ZNF107: variants seen among roughly 807,000 people sequenced by gnomAD.
ZNF107 encodes zinc finger protein 107.
A neutral mutation model predicts 12.3 loss-of-function variants in ZNF107; 19 were observed. That is an observed-to-expected ratio of 1.55 (90% CI 1.08 to 2.27). The LOEUF (loss-of-function observed/expected upper bound fraction) is 2.27, where lower values mean the gene tolerates loss of function less well. Among genes scored for constraint, ZNF107 ranks in the 30% most tolerant of loss-of-function variants. The pLI is 0.00. For missense variants in ZNF107, 958 were observed against 979.9 expected (o/e 0.98, Z 0.30); for synonymous variants, 317 against 330.5 (o/e 0.96, Z 0.44).
intron 1 of ZNF107, chr7:64,686,400 C>T: frequency 4.2e-6 from 2 of 477,528 alleles, no homozygotes; most frequent in Non-Finnish European, 5.5e-6. Context: ...ACCAATCAAT[C>T]TATGCGACAA....
rs147683451 is a variant in ZNF107, at chr7:64,710,191, T to G, written c.*1535T>G. 42 of 154,978 alleles carry G rather than the reference T, an allele frequency of 2.7e-4. No individual in the cohort carries two copies. Among genetic ancestry groups the G allele is most frequent in the African/African-American group, 9.1e-4 (38 of 41,568 alleles). The allele number at this position is 154,978 out of a possible 1,614,324, so 9.6% of individuals were successfully genotyped here. A position where few individuals can be genotyped will look rare whatever the true frequency, so the allele number is the denominator to read the frequency against. Reference sequence around the variant, plus strand: ...CAAACAATACAAATACGAAGAGGGTTGTAGTACCTTTACTTGTATCACAGA... The same window carrying G: ...CAAACAATACAAATACGAAGAGGGTGGTAGTACCTTTACTTGTATCACAGA... On this transcript the variant is annotated 3_prime_UTR_variant, in exon 4 of 4. Coordinates refer to ENST00000620827, the MANE Select transcript of ZNF107 (RefSeq NM_001282359.2).
At chr7:64,684,773 C>A in intron 1 of ZNF107, 1 of 966,374 alleles carries the variant, frequency 1.0e-6, no homozygotes, top group Non-Finnish European at 1.2e-6. Flanking sequence ...CCAGATGAGA[C>A]GCCTCTGTTT....
intron 3 of ZNF107, among the ~76,000 whole-genome samples, chr7:64,694,941 G>A (rs182303389): frequency 7.2e-5 from 11 of 151,980 alleles, no homozygotes; most frequent in Admixed American, 7.2e-4. Context: ...TGAGCTAGCT[G>A]TCGTTATAAA....
chr7:64,680,199 G>A (rs1219900729), intron 1 of ZNF107, among the ~76,000 whole-genome samples: 3 of 152,036 alleles, frequency 2.0e-5, no homozygotes, highest in African/African-American at 7.2e-5. Flanking sequence ...GGAGCTGAAG[G>A]GATAGTCCGA....
At chr7:64,703,611 A>G (rs903171492) in intron 3 of ZNF107, among the ~76,000 whole-genome samples, 5 of 151,862 alleles carry the variant, frequency 3.3e-5, no homozygotes, top group Admixed American at 6.6e-5. Context: ...TGTATTTTCA[A>G]TTGAATGGGG....
intron 1 of ZNF107, chr7:64,687,329 CTG>C: frequency 1.0e-6 from 1 of 985,490 alleles, no homozygotes; most frequent in Non-Finnish European, 1.2e-6. Flanking sequence ...GGCTTAAACA[CTG>C]CACCCATTCC....
intron 1 of ZNF107, among the ~76,000 whole-genome samples, chr7:64,682,563 G>A (rs1483072266): frequency 6.6e-6 from 1 of 152,114 alleles, no homozygotes; most frequent in African/African-American, 2.4e-5. Context: ...AGAGGTAAAG[G>A]GATGTGCAGT....
At chr7:64,693,165 ATTTTTTT>A (rs34734604) in intron 3 of ZNF107, among the ~76,000 whole-genome samples, 32 of 110,106 alleles carry the variant, frequency 2.9e-4, no homozygotes, top group Non-Finnish European at 3.6e-4. Flanking sequence ...CACTCAGCTA[ATTTTTTT>A]TTTTTTTTTT....
At chr7:64,666,330 G>C (rs1301280766) in intron 1 of ZNF107, 45 bp downstream of exon 1, 3 of 1,603,290 alleles carry the variant, frequency 1.9e-6, no homozygotes, top group African/African-American at 1.3e-5. Flanking sequence ...GGAGGGGCTG[G>C]TTGGAACCGA....
chr7:64,709,265 A>G lies in ZNF107; in HGVS notation c.*609A>G. ...CTGATTCTCAACTCTTACTACATGT[A>G]AGAGTATTTATACTGGAAAGAAACC... is the stretch of plus-strand genomic sequence containing the variant. On this transcript the variant is annotated 3_prime_UTR_variant, in exon 4 of 4. Transcript: ENST00000620827. The G allele has an allele frequency of 2.7e-6, 1 of 365,446 alleles. No homozygotes were observed. Among genetic ancestry groups the G allele is most frequent in the Non-Finnish European group, 5.4e-6 (1 of 185,222 alleles). 22.6% of individuals were successfully genotyped at this position (365,446 alleles called of 1,614,324 possible).
intron 3 of ZNF107, among the ~76,000 whole-genome samples, chr7:64,694,914 AT>A (rs1340690370): frequency 3.3e-5 from 5 of 152,162 alleles, no homozygotes; most frequent in African/African-American, 9.7e-5. Flanking sequence ...ATTTACTAAA[AT>A]AGTTACTTAC....
chr7:64,670,952 G>T (rs979740727), intron 1 of ZNF107, among the ~76,000 whole-genome samples: 11 of 152,198 alleles, frequency 7.2e-5, no homozygotes, highest in Non-Finnish European at 5.9e-5. Context: ...CTGCAGTGAG[G>T]ACAGTGTTGT....
rs185295637 is a variant in ZNF107, at chr7:64,695,771, G to A, written c.226+3811G>A. 8.4e-4 allele frequency among the ~76,000 whole-genome samples: 128 copies of A among 152,206 alleles called. 1 individual carries two copies. Among genetic ancestry groups the A allele is most frequent in the African/African-American group, 3.0e-3 (124 of 41,550 alleles). ...CATGGAAATCATCTTTTCACTGTGT[G>A]TTTAACGATGAATTTATATTTCCTT... On this transcript the variant is annotated intron_variant, in intron 3 of 3. Coordinates refer to ENST00000620827, the MANE Select transcript of ZNF107 (RefSeq NM_001282359.2).
intron 1 of ZNF107, chr7:64,689,521 C>T (rs557006776): frequency 3.3e-5 from 5 of 152,224 alleles, no homozygotes; most frequent in Admixed American, 2.0e-4. Flanking sequence ...CACAAAGTAT[C>T]GAGAGTCATG....
intron 1 of ZNF107, among the ~76,000 whole-genome samples, chr7:64,683,627 G>A (rs192488041): frequency 5.9e-5 from 9 of 152,134 alleles, no homozygotes; most frequent in South Asian, 2.1e-4. Flanking sequence ...CTCCATGACC[G>A]CTTCCATGTA....
At chr7:64,706,233 A>G in intron 3 of ZNF107, 91 bp from the exon 4 acceptor site, 5 of 1,232,144 alleles carry the variant, frequency 4.1e-6, no homozygotes, top group Non-Finnish European at 5.4e-6. Flanking sequence ...AATCTGGCTT[A>G]TGTAGTTTGT....
Position 64,709,870 on chromosome 7 carries a change from A to G in ZNF107, c.*1214A>G. 2.6e-6 allele frequency: 1 copy of G among 380,084 alleles called. No individual in the cohort carries two copies. Among genetic ancestry groups the G allele is most frequent in the South Asian group, 1.9e-5 (1 of 51,978 alleles). 23.5% of individuals were successfully genotyped at this position (380,084 alleles called of 1,614,324 possible). On this transcript the variant is annotated 3_prime_UTR_variant, in exon 4 of 4. Transcript: ENST00000620827. ...CCAGTTGTGCTGGCTCACATCTGTA[A>G]TGCCAGCACTTTGGGAGGCCAAGGT... is the stretch of plus-strand genomic sequence containing the variant.
rs1584460733 is a variant in ZNF107, at chr7:64,671,083, A to G, written c.3+4798A>G. Among the ~76,000 whole-genome samples the G allele has an allele frequency of 2.6e-5, 4 of 152,232 alleles. No homozygotes were observed. The East Asian group carries it at 7.7e-4, about 29-fold the overall frequency. On this transcript the variant is annotated intron_variant, in intron 1 of 3. Coordinates refer to ENST00000620827, the MANE Select transcript of ZNF107 (RefSeq NM_001282359.2). ...AACTTTACAGATTTGGTGCCAAAAG[A>G]AAGATATCACAGAGGCCTGGCCTGG...
chr7:64,678,846 T>C (rs1472369601), intron 1 of ZNF107: 1 of 152,058 alleles, frequency 6.6e-6, no homozygotes, highest in Non-Finnish European at 1.5e-5. Flanking sequence ...ACAAGACAAA[T>C]AAGGGTGATG....
Sources: gnomAD v4.1 joint callset for allele counts (sites outside exome capture counted in the v4.1 genomes callset) on GRCh38, gnomAD v4.1.1 for gene constraint, MANE v1.5 for transcripts, NCBI Gene and HGNC (gene_info 2026-07-23, HGNC 2026-07-21) for gene names.